NPAS2: variants seen among roughly 807,000 people sequenced by gnomAD.
The protein encoded by NPAS2 is neuronal PAS domain protein 2.
A neutral mutation model predicts 107.5 loss-of-function variants in NPAS2; 23 were observed. That is an observed-to-expected ratio of 0.21 (90% CI 0.15 to 0.30). NPAS2 has a LOEUF of 0.30. Ranked by LOEUF, NPAS2 falls within the 10% of genes least tolerant of loss-of-function variation. The probability of loss-of-function intolerance (pLI) is 1.00; values close to 1 mark genes in which losing one functional copy is unlikely to be tolerated. For synonymous variants in NPAS2, 403 were observed against 417.5 expected (o/e 0.97, Z 0.42); for missense variants, 756 against 1,043.3 (o/e 0.72, Z 3.79).
intron 2 of NPAS2, among the ~76,000 whole-genome samples, chr2:100,908,312 G>T (rs1431881556): frequency 1.3e-5 from 2 of 151,970 alleles, no homozygotes; most frequent in African/African-American, 4.8e-5. Flanking sequence ...TTTGCAGAGC[G>T]CTCACAGCCT....
intron 4 of NPAS2, among the ~76,000 whole-genome samples, chr2:100,936,467 T>C (rs1684306693): frequency 6.6e-6 from 1 of 152,156 alleles, no homozygotes; most frequent in Non-Finnish European, 1.5e-5. Flanking sequence ...AGTAAAAGTC[T>C]CCCTGAGCTA....
rs1573814173 is a variant in NPAS2, at chr2:100,990,934, G to A, written c.2111+62G>A. On this transcript the variant is annotated intron_variant, in intron 19 of 20. Coordinates refer to ENST00000335681, the MANE Select transcript of NPAS2 (RefSeq NM_002518.4). ...TGGTGGAATGGTTCCAGGCTGGCCA[G>A]ACTCACCCGCCTGGGCCAGCAGCAC... The A allele has an allele frequency of 8.5e-6, 12 of 1,411,456 alleles. No homozygotes were observed. In the East Asian group the frequency reaches 2.8e-4, roughly 33 times the overall value. 87.4% of individuals were successfully genotyped at this position (1,411,456 alleles called of 1,614,324 possible).
At chr2:100,839,084 G>A (rs1391328402) in intron 1 of NPAS2, among the ~76,000 whole-genome samples, 2 of 151,738 alleles carry the variant, frequency 1.3e-5, no homozygotes, top group Admixed American at 1.3e-4. Context: ...CTCCTTCTTG[G>A]CCTACTCTAC....
In NPAS2 at chr2:100,964,066, C is replaced by G; in HGVS notation, c.607C>G (p.Pro203Ala). 1.2e-6 allele frequency: 2 copies of G among 1,612,338 alleles called. No homozygotes were observed. Among genetic ancestry groups the G allele is most frequent in the Non-Finnish European group, 1.7e-6 (2 of 1,178,328 alleles). Residue 203 changes from proline to alanine, a missense_variant, in exon 8 of 21, where the codon CCC (proline) becomes GCC (alanine). Around this residue, in one of 4 missense-constraint regions of NPAS2, gnomAD observed 30 missense variants for 23.8 expected, o/e 1.26. Transcript: ENST00000335681. ...TCTTCCCAACCCCCCAGTGCCTAGC[C>G]CCTCCTGTAATGGTTTTGACAACAC... The part of the protein sequence containing the change: ...NFRSYNNVPS[P>A]SCNGFDNTLS...
chr2:100,927,293 C>T (rs369652584), intron 3 of NPAS2, among the ~76,000 whole-genome samples: 6 of 152,176 alleles, frequency 3.9e-5, no homozygotes, highest in East Asian at 1.9e-4. Flanking sequence ...ATTTTGTGTT[C>T]GTTTTTGTAG....
chr2:100,835,041 A>T (rs1482311454), intron 1 of NPAS2, among the ~76,000 whole-genome samples: 4 of 152,070 alleles, frequency 2.6e-5, no homozygotes, highest in Non-Finnish European at 5.9e-5. Context: ...ATAACAATTT[A>T]GGCAAGGTAA....
At chr2:100,821,888 C>T (rs1429742956) in intron 1 of NPAS2, among the ~76,000 whole-genome samples, 1 of 152,254 alleles carries the variant, frequency 6.6e-6, no homozygotes, top group Non-Finnish European at 1.5e-5. Flanking sequence ...TTCAGTGTTT[C>T]ATTACAGCGC....
intron 1 of NPAS2, among the ~76,000 whole-genome samples, chr2:100,842,081 G>GCGCGCGTGCGCGCACGCGCGCACACA: frequency 2.7e-5 from 4 of 148,798 alleles, no homozygotes; most frequent in African/African-American, 9.9e-5. Context: ...GCATGTACGC[G>GCGCGCGTGCGCGCACGCGCGCACACA]CACACACACA....
chr2:100,945,848 T>C (rs1242541219), intron 5 of NPAS2, among the ~76,000 whole-genome samples: 1 of 152,200 alleles, frequency 6.6e-6, no homozygotes, highest in Non-Finnish European at 1.5e-5. Context: ...ACCCTTTCAT[T>C]GTGGAGGCAG....
chr2:100,853,483 G>T (rs1341641229), intron 1 of NPAS2, among the ~76,000 whole-genome samples: 1 of 152,204 alleles, frequency 6.6e-6, no homozygotes, highest in African/African-American at 2.4e-5. Context: ...GGGAATACCA[G>T]TGAGAATCTC....
Position 100,902,271 on chromosome 2 carries a change from G to T in NPAS2, c.-22-2462G>T, listed in dbSNP as rs184606170. 4.2e-4 allele frequency among the ~76,000 whole-genome samples: 64 copies of T among 152,206 alleles called. 1 individual carries two copies. The highest frequency in any genetic ancestry group is 3.7e-3 in the Admixed American group (56 of 15,288). ...TTAAGTAAAAGGGTGACTCTAAAACGCAAGGGGGGATGGACACCCACACTC... is the reference window on the plus strand; with the variant it reads ...TTAAGTAAAAGGGTGACTCTAAAACTCAAGGGGGGATGGACACCCACACTC... On this transcript the variant is annotated intron_variant, in intron 1 of 20. Coordinates refer to ENST00000335681, the MANE Select transcript of NPAS2 (RefSeq NM_002518.4).
chr2:100,920,923 G>A (rs964990779), intron 2 of NPAS2, among the ~76,000 whole-genome samples: 2 of 152,256 alleles, frequency 1.3e-5, no homozygotes, highest in Admixed American at 1.3e-4. Context: ...GAGCTGAAGC[G>A]AAGGTCGCAG....
intron 16 of NPAS2, chr2:100,984,624 G>GCTCC (rs923105216): frequency 6.6e-6 from 1 of 151,888 alleles, no homozygotes; most frequent in Non-Finnish European, 1.5e-5. Flanking sequence ...CCCACTTGGA[G>GCTCC]AACTTTTTTT....
chr2:100,936,752 A>C (rs2104965581), intron 4 of NPAS2, among the ~76,000 whole-genome samples: 1 of 152,114 alleles, frequency 6.6e-6, no homozygotes. Context: ...AGGCTGAGGC[A>C]GATGGATCAC....
chr2:100,916,305 C>T (rs1682877329), intron 2 of NPAS2, among the ~76,000 whole-genome samples: 1 of 151,964 alleles, frequency 6.6e-6, no homozygotes, highest in Admixed American at 6.6e-5. Context: ...AGATTTTGTT[C>T]CAATGATTTT....
Position 100,948,817 on chromosome 2 carries a change from T to G in NPAS2, c.484+462T>G, listed in dbSNP as rs117391365. Reference sequence around the variant, plus strand: ...TGGTTATTTATATACATTTTTGTGTTCTGTGGAATTCAGACGTTTTTATCA... The same window carrying G: ...TGGTTATTTATATACATTTTTGTGTGCTGTGGAATTCAGACGTTTTTATCA... On this transcript the variant is annotated intron_variant, in intron 6 of 20. Coordinates refer to ENST00000335681, the MANE Select transcript of NPAS2 (RefSeq NM_002518.4). Among the ~76,000 whole-genome samples the G allele has an allele frequency of 5.0e-3, 760 of 152,334 alleles. 12 individuals carry two copies. The highest frequency in any genetic ancestry group is 0.05 in the East Asian group (258 of 5,184).
chr2:100,916,448 A>G (rs11894370), intron 2 of NPAS2, among the ~76,000 whole-genome samples: 33,528 of 152,076 alleles, frequency 0.22, 4,223 homozygotes, highest in Non-Finnish European at 0.28. Flanking sequence ...AGAAAGCCAA[A>G]ATGGTTCTAT....
At position 100,853,586 on chromosome 2, in the gene NPAS2, GT is replaced by G. The variant is rs1194655967; in HGVS notation, c.-23+33176del. Among the ~76,000 whole-genome samples, 6 of 152,338 alleles carry G rather than the reference GT, an allele frequency of 3.9e-5. 1 individual carries two copies. The East Asian group carries it at 1.2e-3, about 29-fold the overall frequency. ...GTTCACTTGATTCTGAAAGGTCAGT[GT>G]TTTAGAACAGGCTTTTCACATGGTT... is the stretch of plus-strand genomic sequence containing the variant. On this transcript the variant is annotated intron_variant, in intron 1 of 20. Transcript: ENST00000335681.
At chr2:100,961,745 C>A (rs1322059156) in intron 7 of NPAS2, among the ~76,000 whole-genome samples, 1 of 152,204 alleles carries the variant, frequency 6.6e-6, no homozygotes, top group Non-Finnish European at 1.5e-5. Context: ...GTCCCCTTCT[C>A]CTCATCACAG....
Sources: allele counts gnomAD v4.1 joint callset (sites outside exome capture counted in the v4.1 genomes callset), GRCh38; gene constraint gnomAD v4.1.1; regional missense constraint gnomAD v4.1.1; transcripts MANE v1.5; gene names NCBI Gene and HGNC (gene_info 2026-07-23, HGNC 2026-07-21).